The following PRPF39 variants were observed in gnomAD, a reference collection of about 807,000 sequenced individuals.
PRPF39 encodes pre-mRNA processing factor 39, also known as pre-mRNA-processing factor 39.
PRPF39 carries 27 observed loss-of-function variants against 82.1 expected under a neutral mutation model. That is an observed-to-expected ratio of 0.33 (90% CI 0.24 to 0.45). PRPF39 has a LOEUF of 0.45. PRPF39 is among the 20% of genes least tolerant of loss of function. PRPF39 has a pLI of 1.00. For synonymous variants in PRPF39, 261 were observed against 256.4 expected (o/e 1.02, Z -0.17); for missense variants, 581 against 796.9 (o/e 0.73, Z 3.26).
intron 4 of PRPF39, among the ~76,000 whole-genome samples, chr14:45,098,446 CA>C (rs545851843): frequency 0.012 from 1,004 of 84,408 alleles, 24 homozygotes; most frequent in Admixed American, 0.079. Context: ...GACCCTGTCT[CA>C]AAAAAAAAAA....
At chr14:45,104,385 A>C (rs980825760) in intron 5 of PRPF39, among the ~76,000 whole-genome samples, 1 of 152,138 alleles carries the variant, frequency 6.6e-6, no homozygotes, top group East Asian at 1.9e-4. Flanking sequence ...TAGTTTATAT[A>C]AGTTAATTCA....
intron 5 of PRPF39, among the ~76,000 whole-genome samples, chr14:45,106,048 A>G (rs577045628): frequency 6.6e-6 from 1 of 152,048 alleles, no homozygotes; most frequent in African/African-American, 2.4e-5. Flanking sequence ...CCATTAATCA[A>G]TATTAGAAAT....
intron 11 of PRPF39, among the ~76,000 whole-genome samples, chr14:45,112,962 C>G (rs997404569): frequency 6.6e-6 from 1 of 152,038 alleles, no homozygotes; most frequent in Admixed American, 6.6e-5. Flanking sequence ...TTGTAAAAGC[C>G]GAAAGTTGAG....
Position 45,092,472 on chromosome 14 carries a change from G to T in PRPF39, c.-19-2749G>T, listed in dbSNP as rs145792754. On this transcript the variant is annotated intron_variant, in intron 1 of 13. Transcript: ENST00000355765. ...AAAAATTAGCTGGGCATGGTGGTGC[G>T]TGCCTGTAGTCCCAGCTACTCAGGA... Among the ~76,000 whole-genome samples, 434 of 151,920 alleles carry T rather than the reference G, an allele frequency of 2.9e-3. 3 individuals are homozygous for T. Among genetic ancestry groups the T allele is most frequent in the African/African-American group, 0.01 (420 of 41,456 alleles).
At chr14:45,088,389 G>C (rs1225260341) in intron 1 of PRPF39, 1 of 155,280 alleles carries the variant, frequency 6.4e-6, no homozygotes, top group Non-Finnish European at 1.4e-5. Flanking sequence ...TCAGAGTGTG[G>C]TGTCAGGTAA....
chr14:45,112,545 A>T (rs1884725830), intron 11 of PRPF39, 43 bp downstream of exon 11: 1 of 1,413,282 alleles, frequency 7.1e-7, no homozygotes, highest in South Asian at 1.7e-5. Context: ...ATAAATGAGC[A>T]TTGATATTTT....
chr14:45,103,180 A>C (rs1041159625), intron 5 of PRPF39, among the ~76,000 whole-genome samples: 2 of 152,110 alleles, frequency 1.3e-5, no homozygotes, highest in African/African-American at 4.8e-5. Context: ...ATTTTCAAAC[A>C]CTCAGGTATC....
intron 8 of PRPF39, 62 bp downstream of exon 8, chr14:45,109,842 T>C: frequency 2.0e-6 from 3 of 1,525,632 alleles, no homozygotes; most frequent in Non-Finnish European, 2.6e-6. Flanking sequence ...GTGACTAACC[T>C]TTTTTGTACT....
At chr14:45,108,377 G>T (rs781461571) in intron 6 of PRPF39, 38 bp from the exon 7 acceptor site, 2 of 1,546,904 alleles carry the variant, frequency 1.3e-6, no homozygotes, top group African/African-American at 2.8e-5. Flanking sequence ...TCAGTATACA[G>T]TTTGTGAGAT....
intron 1 of PRPF39, among the ~76,000 whole-genome samples, chr14:45,089,791 T>A (rs1883963218): frequency 1.3e-5 from 2 of 152,240 alleles, no homozygotes; most frequent in Non-Finnish European, 2.9e-5. Flanking sequence ...TTGTTAAGAA[T>A]AAACTGATAA....
chr14:45,113,392 C>A (rs1884749991), intron 11 of PRPF39, among the ~76,000 whole-genome samples: 1 of 152,174 alleles, frequency 6.6e-6, no homozygotes, highest in Non-Finnish European at 1.5e-5. Context: ...GGGTTCTGTT[C>A]TCTTAATAGA....
At chr14:45,103,931 G>A (rs888854161) in intron 5 of PRPF39, among the ~76,000 whole-genome samples, 16 of 152,100 alleles carry the variant, frequency 1.1e-4, no homozygotes, top group African/African-American at 3.9e-4. Flanking sequence ...AACACACATA[G>A]CATTTTCTAT....
intron 5 of PRPF39, among the ~76,000 whole-genome samples, chr14:45,107,233 G>A (rs1253262804): frequency 6.6e-6 from 1 of 152,148 alleles, no homozygotes; most frequent in African/African-American, 2.4e-5. Context: ...CCACTGTAAA[G>A]GTAGGAAGAA....
intron 11 of PRPF39, 81 bp downstream of exon 11, chr14:45,112,583 A>G: frequency 8.1e-7 from 1 of 1,236,506 alleles, no homozygotes; most frequent in Non-Finnish European, 1.0e-6. Flanking sequence ...ATTAGTATAG[A>G]TTAATACATT....
intron 5 of PRPF39, among the ~76,000 whole-genome samples, chr14:45,103,943 T>C (rs1884449838): frequency 6.6e-6 from 1 of 152,130 alleles, no homozygotes; most frequent in Non-Finnish European, 1.5e-5. Context: ...ATTTTCTATA[T>C]CCCAGACACT....
chr14:45,087,719 G>A (rs930890670), intron 1 of PRPF39, among the ~76,000 whole-genome samples: 10 of 150,138 alleles, frequency 6.7e-5, no homozygotes, highest in Admixed American at 3.3e-4. Flanking sequence ...GACTACAGGC[G>A]CCCGTCACCA....
chr14:45,098,326 C>G (rs1225657154), intron 4 of PRPF39, among the ~76,000 whole-genome samples: 5 of 151,848 alleles, frequency 3.3e-5, no homozygotes. Flanking sequence ...GCCTGTAGTT[C>G]TAGCTACTCG....
At chr14:45,105,712 A>C (rs1376817940) in intron 5 of PRPF39, among the ~76,000 whole-genome samples, 1 of 151,828 alleles carries the variant, frequency 6.6e-6, no homozygotes, top group African/African-American at 2.4e-5. Flanking sequence ...TTTTTGGTAC[A>C]GATGGGTTTC....
chr14:45,110,009 A>T lies in PRPF39; in HGVS notation c.1177-85A>T. Reference sequence around the variant, plus strand: ...TTCAATAAAGGTGCTGAATGGGTTTAAAAATAGAATTTTATCGTTCTGTCA... The same window carrying T: ...TTCAATAAAGGTGCTGAATGGGTTTTAAAATAGAATTTTATCGTTCTGTCA... On this transcript the variant is annotated intron_variant, in intron 8 of 13. Transcript: ENST00000355765. This position sits in a 1 kb window ranked among gnomAD's most constrained non-coding sequence, Gnocchi z 4.0. 1 of 1,595,750 alleles carries T rather than the reference A, an allele frequency of 6.3e-7. No individual in the cohort carries two copies. The highest frequency in any genetic ancestry group is 1.1e-5 in the South Asian group (1 of 88,362).
Sources: gnomAD v4.1 joint callset for allele counts (sites outside exome capture counted in the v4.1 genomes callset) on GRCh38, gnomAD v4.1.1 for gene constraint, Gnocchi (gnomAD v3.1) non-coding constraint, MANE v1.5 for transcripts, NCBI Gene and HGNC (gene_info 2026-07-23, HGNC 2026-07-21) for gene names.